Variants in ARAP2 observed in about 807,000 individuals in gnomAD.
The protein encoded by ARAP2 is ArfGAP with RhoGAP domain, ankyrin repeat and PH domain 2.
Under a neutral mutation model 194.5 loss-of-function variants are expected in ARAP2, and 148 were observed. The observed-to-expected ratio is 0.76, with a 90% CI of 0.67 to 0.87. ARAP2 has a LOEUF of 0.87. Among genes scored for constraint, ARAP2 ranks in the 40% least tolerant of loss-of-function variants. The probability of loss-of-function intolerance (pLI) is 0.00; values close to 1 mark genes in which losing one functional copy is unlikely to be tolerated. For synonymous variants in ARAP2, 695 were observed against 683.5 expected, an observed-to-expected ratio of 1.02 and a Z score of -0.26; for missense variants, 2,128 against 1,989.7, an observed-to-expected ratio of 1.07 and a Z score of -1.32.
chr4:36,110,751 G>C (rs1428285150), intron 26 of ARAP2, among the ~76,000 whole-genome samples: 1 of 151,866 alleles, frequency 6.6e-6, no homozygotes, highest in East Asian at 1.9e-4. Flanking sequence ...GTTTTAGTCA[G>C]AACTTCCTGA....
intron 2 of ARAP2, among the ~76,000 whole-genome samples, chr4:36,225,335 C>A (rs1243022850): frequency 5.3e-5 from 8 of 152,144 alleles, no homozygotes; most frequent in Non-Finnish European, 2.9e-5. Flanking sequence ...AAATGTACTT[C>A]CTTCAGTAGC....
chr4:36,128,859 C>A (rs887918440), intron 20 of ARAP2, 114 bp from the exon 21 acceptor site: 2 of 825,152 alleles, frequency 2.4e-6, no homozygotes, highest in East Asian at 2.7e-5. Flanking sequence ...GAAATCATTA[C>A]GCAAGAGATG....
At chr4:36,087,726 A>T (rs1712278516) in intron 28 of ARAP2, among the ~76,000 whole-genome samples, 1 of 152,118 alleles carries the variant, frequency 6.6e-6, no homozygotes. Context: ...TTCCTTATTT[A>T]AAAATGTTTG....
At chr4:36,192,345 G>GC (rs1249849079) in intron 7 of ARAP2, among the ~76,000 whole-genome samples, 3 of 151,890 alleles carry the variant, frequency 2.0e-5, no homozygotes, top group Admixed American at 2.0e-4. Flanking sequence ...CATTTTCATT[G>GC]CATCAATAAC....
At chr4:36,136,573 A>T (rs1186035571) in intron 19 of ARAP2, among the ~76,000 whole-genome samples, 2 of 151,900 alleles carry the variant, frequency 1.3e-5, no homozygotes, top group Non-Finnish European at 2.9e-5. Context: ...CCACATAAAA[A>T]ATAAATATGC....
chr4:36,109,808 A>C (rs563565486), intron 26 of ARAP2, among the ~76,000 whole-genome samples: 16 of 151,436 alleles, frequency 1.1e-4, no homozygotes, highest in South Asian at 4.2e-4. Context: ...GGTGTGCTGC[A>C]CCCATTAACT....
chr4:36,226,193 T>G (rs1236972622), intron 2 of ARAP2, among the ~76,000 whole-genome samples: 2 of 151,868 alleles, frequency 1.3e-5, no homozygotes, highest in African/African-American at 4.8e-5. Context: ...TAGTACTAAA[T>G]TATTTACTAC....
chr4:36,116,530 A>T (rs1721355230), intron 25 of ARAP2, among the ~76,000 whole-genome samples: 1 of 151,926 alleles, frequency 6.6e-6, no homozygotes, highest in African/African-American at 2.4e-5. Flanking sequence ...AATATCCCAG[A>T]CTTATATTCA....
chr4:36,215,748 C>T (rs1747796586), intron 2 of ARAP2, among the ~76,000 whole-genome samples: 1 of 152,050 alleles, frequency 6.6e-6, no homozygotes, highest in African/African-American at 2.4e-5. Context: ...ACTCAGGGGG[C>T]TGAGGTGGGA....
chr4:36,195,765 ATT>A (rs1742937790), intron 6 of ARAP2, among the ~76,000 whole-genome samples: 1 of 152,224 alleles, frequency 6.6e-6, no homozygotes, highest in Admixed American at 6.5e-5. Context: ...TAACAAAGTT[ATT>A]CTCTCTCTCA....
At position 36,023,445 on chromosome 4, in the gene ARAP2, T is replaced by A. The variant is rs545237311; in HGVS notation, n.608-4159A>T. Among the ~76,000 whole-genome samples, 4 of 152,140 alleles carry A rather than the reference T, an allele frequency of 2.6e-5. No individual in the cohort carries two copies. In the East Asian group the frequency reaches 7.7e-4, roughly 29 times the overall value. ...CATCTTGTTGGTATGCAACAGGGGG[T>A]TAATGCTCAGACTCCCTTTCATATG... On this transcript the variant is annotated intron_variant and non_coding_transcript_variant, in intron 5 of 12. Coordinates refer to the ARAP2 transcript ENST00000503225.
At chr4:36,231,033 A>T (rs1244668507) in intron 1 of ARAP2, among the ~76,000 whole-genome samples, 1 of 152,202 alleles carries the variant, frequency 6.6e-6, no homozygotes, top group East Asian at 1.9e-4. Context: ...CTAAAATGTC[A>T]CACACAAAGA....
chr4:36,170,247 C>T (rs1053404906), intron 9 of ARAP2, among the ~76,000 whole-genome samples: 5 of 152,168 alleles, frequency 3.3e-5, no homozygotes, highest in African/African-American at 1.2e-4. Flanking sequence ...CATTATGTAA[C>T]TAATTTAGAC....
chr4:36,200,327 C>G (rs1744109667), intron 6 of ARAP2, among the ~76,000 whole-genome samples: 1 of 151,922 alleles, frequency 6.6e-6, no homozygotes, highest in African/African-American at 2.4e-5. Context: ...GCAATCTCAG[C>G]TGACCACAAC....
Position 36,182,257 on chromosome 4 carries a change from C to G in ARAP2, c.1679-4252G>C, listed in dbSNP as rs138061408. Among the ~76,000 whole-genome samples the G allele has an allele frequency of 1.0e-3, 156 of 152,222 alleles. 1 individual carries two copies. In the East Asian group the frequency reaches 0.029, roughly 28 times the overall value. On this transcript the variant is annotated intron_variant, in intron 8 of 32. Transcript: ENST00000303965. The stretch of plus-strand genomic sequence containing the variant: ...CCTGTAATCCCAGCACTTTGGTAGG[C>G]CAAGGCTGGCAAATCACGAGGTCAG...
chr4:36,019,848 C>T (rs1263537580), intron 5 of ARAP2, among the ~76,000 whole-genome samples: 1 of 152,056 alleles, frequency 6.6e-6, no homozygotes, highest in Non-Finnish European at 1.5e-5. Context: ...CCATGACAAA[C>T]TTAGTAGGAG....
intron 29 of ARAP2, among the ~76,000 whole-genome samples, chr4:36,082,853 C>A (rs188919293): frequency 3.1e-4 from 47 of 152,238 alleles, no homozygotes; most frequent in African/African-American, 1.0e-3. Flanking sequence ...GGCACGCAAT[C>A]TGTAGGAGGC....
intron 27 of ARAP2, among the ~76,000 whole-genome samples, chr4:36,100,149 C>A (rs1716465146): frequency 6.6e-6 from 1 of 151,990 alleles, no homozygotes; most frequent in Admixed American, 6.6e-5. Flanking sequence ...CCGCTACATC[C>A]CAGTTTCTCC....
chr4:36,161,741 C>T (rs565523350), intron 11 of ARAP2, among the ~76,000 whole-genome samples, 191 bp from the exon 12 acceptor site: 4 of 140,916 alleles, frequency 2.8e-5, no homozygotes, highest in East Asian at 4.2e-4. Flanking sequence ...TTAGACAAAT[C>T]GCAGCTGGCT....
Sources: allele counts gnomAD v4.1 joint callset (sites outside exome capture counted in the v4.1 genomes callset), GRCh38; gene constraint gnomAD v4.1.1; transcripts MANE v1.5; gene names NCBI Gene and HGNC (gene_info 2026-07-23, HGNC 2026-07-21).